RABGAP1L: variants seen among roughly 807,000 people sequenced by gnomAD.
RABGAP1L encodes RAB GTPase activating protein 1 like, also known as rab GTPase-activating protein 1-like.
Under a neutral mutation model 137.7 loss-of-function variants are expected in RABGAP1L, and 63 were observed. The ratio of observed to expected loss-of-function variants is 0.46; its 90% confidence interval spans 0.37 to 0.56. The LOEUF is 0.56. Among genes scored for constraint, RABGAP1L ranks in the 20% least tolerant of loss-of-function variants. RABGAP1L has a pLI of 0.00. For synonymous variants in RABGAP1L, 431 were observed against 433.7 expected (o/e 0.99, Z 0.08); for missense variants, 1,095 against 1,244.0 (o/e 0.88, Z 1.80).
At chr1:174,528,502 T>C (rs1003932533) in intron 13 of RABGAP1L, among the ~76,000 whole-genome samples, 1 of 152,024 alleles carries the variant, frequency 6.6e-6, no homozygotes, top group African/African-American at 2.4e-5. Context: ...CCTTTTTTTT[T>C]TATTTCAGCG....
chr1:174,790,800 G>A (rs1252548149), intron 18 of RABGAP1L, among the ~76,000 whole-genome samples: 8 of 151,548 alleles, frequency 5.3e-5, no homozygotes, highest in African/African-American at 1.7e-4. Flanking sequence ...GGGGGCGGGG[G>A]GTATGTGTTT....
In RABGAP1L at chr1:174,375,878, A is replaced by C. The variant is rs533902680; in HGVS notation, c.1559+4806A>C. On this transcript the variant is annotated intron_variant, in intron 12 of 25. Coordinates refer to ENST00000681986, the MANE Select transcript of RABGAP1L (RefSeq NM_001366446.1). ...TAATGAGTTTGAGACCAGCCTAGCCAACATAATGAAACCCTATCTCTACTA... is the reference window on the plus strand; with the variant it reads ...TAATGAGTTTGAGACCAGCCTAGCCCACATAATGAAACCCTATCTCTACTA... Among the ~76,000 whole-genome samples the C allele has an allele frequency of 3.9e-5, 6 of 152,196 alleles. No homozygotes were observed. In the South Asian group the frequency reaches 1.2e-3, roughly 32 times the overall value.
intron 17 of RABGAP1L, among the ~76,000 whole-genome samples, chr1:174,745,263 G>T (rs1191040946): frequency 6.6e-6 from 1 of 152,148 alleles, no homozygotes; most frequent in Non-Finnish European, 1.5e-5. Flanking sequence ...TATGGTAGCT[G>T]GCTTCGAAAA....
intron 19 of RABGAP1L, among the ~76,000 whole-genome samples, chr1:174,862,350 T>C (rs764836640): frequency 1.2e-4 from 18 of 152,012 alleles, no homozygotes; most frequent in Non-Finnish European, 2.1e-4. Flanking sequence ...ACCCTGAAAC[T>C]GGTGATTTGA....
chr1:174,915,790 A>G (rs971342073), intron 19 of RABGAP1L, among the ~76,000 whole-genome samples: 2 of 152,130 alleles, frequency 1.3e-5, no homozygotes, highest in African/African-American at 4.8e-5. Context: ...TTGTCTTCCT[A>G]TTGAGTCATG....
chr1:174,740,039 T>C (rs1219668477), intron 17 of RABGAP1L, among the ~76,000 whole-genome samples: 1 of 152,140 alleles, frequency 6.6e-6, no homozygotes, highest in Non-Finnish European at 1.5e-5. Context: ...TCACTCTGTA[T>C]TTTTATGTGT....
At chr1:174,411,364 GGGT>G (rs984342537) in intron 13 of RABGAP1L, among the ~76,000 whole-genome samples, 4 of 151,972 alleles carry the variant, frequency 2.6e-5, no homozygotes, top group Non-Finnish European at 5.9e-5. Context: ...TGTTTGCTGT[GGGT>G]TTGTCATGAA....
intron 13 of RABGAP1L, chr1:174,544,840 G>T (rs532093877): frequency 8.8e-5 from 16 of 180,958 alleles, no homozygotes; most frequent in Non-Finnish European, 1.6e-4. Flanking sequence ...ACCCTCTGTT[G>T]CAGGTCTGTT....
intron 3 of RABGAP1L, among the ~76,000 whole-genome samples, chr1:174,228,544 A>G (rs1456480628): frequency 6.6e-6 from 1 of 152,154 alleles, no homozygotes; most frequent in Non-Finnish European, 1.5e-5. Context: ...ATTAAAATGT[A>G]TTTGTAGTTT....
chr1:174,861,535 T>C (rs559908852), intron 19 of RABGAP1L, among the ~76,000 whole-genome samples: 7 of 152,318 alleles, frequency 4.6e-5, no homozygotes, highest in African/African-American at 1.7e-4. Flanking sequence ...TCTGTACTAT[T>C]CTTCATAGTA....
chr1:174,585,130 A>G (rs547823774), intron 13 of RABGAP1L, among the ~76,000 whole-genome samples: 25 of 152,152 alleles, frequency 1.6e-4, no homozygotes, highest in Admixed American at 7.2e-4. Context: ...ATTGAATTAA[A>G]TGTCATTAAA....
chr1:174,623,008 CT>C (rs1306427762), intron 13 of RABGAP1L, among the ~76,000 whole-genome samples: 3 of 152,174 alleles, frequency 2.0e-5, no homozygotes, highest in African/African-American at 7.2e-5. Context: ...ATGTGATCAA[CT>C]TTTCACTTAA....
intron 13 of RABGAP1L, among the ~76,000 whole-genome samples, chr1:174,496,398 A>G (rs535019073): frequency 6.6e-6 from 1 of 152,316 alleles, no homozygotes; most frequent in Non-Finnish European, 1.5e-5. Context: ...TTCTGGAGAG[A>G]ATCTGAGAAC....
intron 19 of RABGAP1L, among the ~76,000 whole-genome samples, chr1:174,818,757 C>T (rs1018356564): frequency 6.6e-6 from 1 of 151,918 alleles, no homozygotes; most frequent in East Asian, 1.9e-4. Flanking sequence ...ACCTGTAATC[C>T]CAGCACTTTG....
chr1:174,850,992 C>T (rs1251188932), intron 19 of RABGAP1L, among the ~76,000 whole-genome samples: 1 of 152,174 alleles, frequency 6.6e-6, no homozygotes, highest in Non-Finnish European at 1.5e-5. Context: ...TCCTTGCAAC[C>T]TCAAGGAACT....
At chr1:174,547,964 C>T (rs1286406953) in intron 13 of RABGAP1L, 1 of 1,550,428 alleles carries the variant, frequency 6.4e-7, no homozygotes, top group Non-Finnish European at 8.7e-7. Context: ...GTTCTGATTA[C>T]TTATACTTTT....
intron 13 of RABGAP1L, chr1:174,548,590 C>G (rs763654324): frequency 1.4e-4 from 132 of 969,718 alleles, no homozygotes; most frequent in Non-Finnish European, 1.6e-4. Flanking sequence ...TTTTTTCATA[C>G]CCACAGAAAT....
At position 174,879,397 on chromosome 1, in the gene RABGAP1L, CT is replaced by C. The variant is rs34724195; in HGVS notation, c.2340+67446del. Among the ~76,000 whole-genome samples, 60 of 150,322 alleles carry C rather than the reference CT, an allele frequency of 4.0e-4. 2 individuals carry two copies. The highest frequency in any genetic ancestry group is 1.8e-4 in the Non-Finnish European group (12 of 67,580). ...ACAGGCGTGAGTCACGGTGCACAGC[CT>C]TTTTTTTTGTATTTTTAGTAGAGAC... is the stretch of plus-strand genomic sequence containing the variant. On this transcript the variant is annotated intron_variant, in intron 19 of 25. Transcript: ENST00000681986.
intron 12 of RABGAP1L, among the ~76,000 whole-genome samples, chr1:174,383,431 C>G (rs906244132): frequency 7.9e-5 from 12 of 151,966 alleles, no homozygotes; most frequent in African/African-American, 2.7e-4. Context: ...GCTGTGCTAG[C>G]AATCAGCGAG....
Sources: gnomAD v4.1 joint callset for allele counts (sites outside exome capture counted in the v4.1 genomes callset) on GRCh38, gnomAD v4.1.1 for gene constraint, MANE v1.5 for transcripts, NCBI Gene and HGNC (gene_info 2026-07-23, HGNC 2026-07-21) for gene names.